CADM2: variants seen among roughly 807,000 people sequenced by gnomAD.
CADM2 encodes the protein immunoglobulin superfamily member 4D.
In CADM2, 12 loss-of-function variants were observed where a neutral mutation model predicts 49.8. The ratio of observed to expected loss-of-function variants is 0.24; its 90% CI spans 0.15 to 0.39. The LOEUF (loss-of-function observed/expected upper bound fraction) is 0.39, where lower values mean the gene tolerates loss of function less well. Ranked by LOEUF, CADM2 falls within the 10% of genes least tolerant of loss-of-function variation. The probability of loss-of-function intolerance (pLI) is 1.00; values close to 1 mark genes in which losing one functional copy is unlikely to be tolerated. For synonymous variants in CADM2, 214 were observed against 175.4 expected (o/e 1.22, Z -1.74); for missense variants, 378 against 492.3 (o/e 0.77, Z 2.20).
At chr3:85,045,520 T>C (rs918656937) in intron 1 of CADM2, among the ~76,000 whole-genome samples, 1 of 152,166 alleles carries the variant, frequency 6.6e-6, no homozygotes, top group African/African-American at 2.4e-5. Flanking sequence ...TTTCTATTTA[T>C]TTTAATACTA....
chr3:85,395,592 A>G (rs1042776477), intron 1 of CADM2, among the ~76,000 whole-genome samples: 5 of 152,162 alleles, frequency 3.3e-5, no homozygotes, highest in South Asian at 4.1e-4. Context: ...AAAAGGTTGT[A>G]GATTTTCTTC....
chr3:85,201,251 AG>A (rs2041493148), intron 1 of CADM2, among the ~76,000 whole-genome samples: 1 of 152,230 alleles, frequency 6.6e-6, no homozygotes, highest in Non-Finnish European at 1.5e-5. Context: ...ATCACAAAAA[AG>A]CATGTCACAC....
At chr3:85,611,160 A>G (rs1355293313) in intron 1 of CADM2, among the ~76,000 whole-genome samples, 4 of 151,996 alleles carry the variant, frequency 2.6e-5, no homozygotes, top group Non-Finnish European at 5.9e-5. Context: ...ATGCTTTTCA[A>G]CATGAATTTT....
chr3:85,144,200 A>G (rs1382711960), intron 1 of CADM2, among the ~76,000 whole-genome samples: 1 of 151,416 alleles, frequency 6.6e-6, no homozygotes, highest in Non-Finnish European at 1.5e-5. Flanking sequence ...TACCAGCTTT[A>G]TTTTCTATGA....
chr3:84,978,560 A>AT (rs2031972576), intron 1 of CADM2, among the ~76,000 whole-genome samples: 1 of 152,184 alleles, frequency 6.6e-6, no homozygotes, highest in African/African-American at 2.4e-5. Flanking sequence ...TGTTTATGGC[A>AT]TAAGACTTAA....
intron 1 of CADM2, among the ~76,000 whole-genome samples, chr3:85,400,907 T>G (rs1422864682): frequency 6.6e-6 from 1 of 152,120 alleles, no homozygotes; most frequent in Non-Finnish European, 1.5e-5. Flanking sequence ...AACTCCTCCT[T>G]TAGTTGTGAA....
Position 86,069,539 on chromosome 3 carries a change from A to T in CADM2, c.*2756A>T, listed in dbSNP as rs1026133024. On this transcript the variant is annotated 3_prime_UTR_variant, in exon 10 of 10. Transcript: ENST00000383699. ...AAAATAAATTGTAAAAATTATGCTC[A>T]TTTCTATTCCAACAAGTCAGAAAAT... The T allele has an allele frequency of 6.6e-6, 1 of 152,044 alleles. No homozygotes were observed. Among genetic ancestry groups the T allele is most frequent in the Non-Finnish European group, 1.5e-5 (1 of 67,904 alleles). 9.4% of individuals were successfully genotyped at this position (152,044 alleles called of 1,614,324 possible).
At chr3:85,240,788 C>T (rs984803821) in intron 1 of CADM2, among the ~76,000 whole-genome samples, 4 of 151,436 alleles carry the variant, frequency 2.6e-5, no homozygotes, top group African/African-American at 9.7e-5. Flanking sequence ...ATGATAGATG[C>T]ACCTATTATT....
At chr3:85,346,780 CA>C (rs1205604530) in intron 1 of CADM2, among the ~76,000 whole-genome samples, 1 of 152,068 alleles carries the variant, frequency 6.6e-6, no homozygotes, top group African/African-American at 2.4e-5. Context: ...GGGGATATTA[CA>C]GTAACTACCC....
At chr3:85,578,150 C>T (rs1051640043) in intron 1 of CADM2, among the ~76,000 whole-genome samples, 2 of 151,970 alleles carry the variant, frequency 1.3e-5, no homozygotes, top group Non-Finnish European at 2.9e-5. Flanking sequence ...GGCGCGATCT[C>T]GGCTCACTGC....
Position 85,433,058 on chromosome 3 carries a change from T to G in CADM2, c.62-293464T>G, listed in dbSNP as rs73138721. Among the ~76,000 whole-genome samples, 1,787 of 152,210 alleles carry G rather than the reference T, an allele frequency of 0.012. 44 individuals carry two copies. The East Asian group carries it at 0.13, about 11-fold the overall frequency. On this transcript the variant is annotated intron_variant, in intron 1 of 9. Coordinates refer to ENST00000383699, the MANE Select transcript of CADM2 (RefSeq NM_001167675.2). Reference sequence around the variant, plus strand: ...GCTATTTAATTAGAAGTATGAAGTATTTAAGAATTTATACATGTATTTAGG... The same window carrying G: ...GCTATTTAATTAGAAGTATGAAGTAGTTAAGAATTTATACATGTATTTAGG...
At chr3:85,729,371 G>A (rs1361278620) in intron 2 of CADM2, among the ~76,000 whole-genome samples, 1 of 152,070 alleles carries the variant, frequency 6.6e-6, no homozygotes, top group Non-Finnish European at 1.5e-5. Flanking sequence ...AAAGAATGGG[G>A]CCATTTTCTA....
At chr3:85,668,793 A>T (rs1314132074) in intron 1 of CADM2, among the ~76,000 whole-genome samples, 1 of 152,136 alleles carries the variant, frequency 6.6e-6, no homozygotes, top group Admixed American at 6.6e-5. Flanking sequence ...ATGGACTAAT[A>T]TAATAATTCA....
chr3:85,381,451 T>A (rs1231772517), intron 1 of CADM2, among the ~76,000 whole-genome samples: 1 of 147,802 alleles, frequency 6.8e-6, no homozygotes, highest in Non-Finnish European at 1.5e-5. Flanking sequence ...AGAAAATATA[T>A]ATATAAACTG....
chr3:85,155,576 T>C (rs1462584135), intron 1 of CADM2, among the ~76,000 whole-genome samples: 24 of 152,202 alleles, frequency 1.6e-4, no homozygotes, highest in Admixed American at 4.6e-4. Context: ...AACTCAGCTC[T>C]GCATCAAGAG....
chr3:85,921,552 T>C (rs1168567712), intron 6 of CADM2, among the ~76,000 whole-genome samples: 1 of 152,080 alleles, frequency 6.6e-6, no homozygotes, highest in Non-Finnish European at 1.5e-5. Flanking sequence ...TACAGAGGGT[T>C]CCCATATACA....
chr3:85,364,381 AAGG>A (rs2032590106), intron 1 of CADM2, among the ~76,000 whole-genome samples: 2 of 152,164 alleles, frequency 1.3e-5, no homozygotes, highest in South Asian at 4.1e-4. Context: ...GTTATATTTG[AAGG>A]TGAAAGTACA....
chr3:85,319,510 G>A (rs2044548465), intron 1 of CADM2, among the ~76,000 whole-genome samples: 1 of 152,158 alleles, frequency 6.6e-6, no homozygotes, highest in Non-Finnish European at 1.5e-5. Context: ...TCATTACAAT[G>A]CTATTCACAA....
intron 1 of CADM2, among the ~76,000 whole-genome samples, chr3:85,628,580 C>CATATATATACATATATAT (rs1553752225): frequency 5.6e-5 from 8 of 142,682 alleles, no homozygotes; most frequent in East Asian, 4.1e-4. Context: ...TATATACACA[C>CATATATATACATATATAT]ACATATATAT....
Sources: allele counts gnomAD v4.1 joint callset (sites outside exome capture counted in the v4.1 genomes callset), GRCh38; gene constraint gnomAD v4.1.1; transcripts MANE v1.5; gene names NCBI Gene and HGNC (gene_info 2026-07-23, HGNC 2026-07-21).